LARS2: variants seen among roughly 807,000 people sequenced by gnomAD.
The protein encoded by LARS2 is leucyl-tRNA synthetase 2, mitochondrial, also known as leucine--tRNA ligase, mitochondrial.
A neutral mutation model predicts 116.6 loss-of-function variants in LARS2; 81 were observed. The observed-to-expected ratio is 0.69, with a 90% confidence interval of 0.58 to 0.84. LARS2 has a LOEUF of 0.84. Among genes scored for constraint, LARS2 ranks in the 40% least tolerant of loss-of-function variants. LARS2 has a pLI of 0.00. For missense variants in LARS2, 968 were observed against 1,114.5 expected, an observed-to-expected ratio of 0.87 and a Z score of 1.87; for synonymous variants, 396 against 407.2, an observed-to-expected ratio of 0.97 and a Z score of 0.33.
intron 6 of LARS2, among the ~76,000 whole-genome samples, chr3:45,424,427 G>A (rs1311517283): frequency 6.6e-6 from 1 of 152,166 alleles, no homozygotes; most frequent in Non-Finnish European, 1.5e-5. Flanking sequence ...TATTGAATGT[G>A]TATCACTTCC....
chr3:45,419,831 A>G, intron 6 of LARS2, 102 bp downstream of exon 6: 1 of 923,044 alleles, frequency 1.1e-6, no homozygotes, highest in Non-Finnish European at 1.8e-6. Flanking sequence ...CAAGGGTGGG[A>G]GGCAGGAAGC....
intron 21 of LARS2, among the ~76,000 whole-genome samples, chr3:45,545,960 G>GAAAAAAAAAAA (rs1168781892): frequency 7.8e-6 from 1 of 127,968 alleles, no homozygotes. Context: ...TGTCCTTAAG[G>GAAAAAAAAAAA]AAAAAAAAAA....
intron 13 of LARS2, 131 bp downstream of exon 13, chr3:45,491,931 C>T (rs1699924887): frequency 1.1e-6 from 1 of 871,764 alleles, no homozygotes; most frequent in South Asian, 1.7e-5. Context: ...CTGGAAAGAA[C>T]ACTGTGGGTC....
chr3:45,530,248 C>T (rs775919503), intron 20 of LARS2, among the ~76,000 whole-genome samples: 2 of 152,160 alleles, frequency 1.3e-5, no homozygotes, highest in African/African-American at 4.8e-5. Context: ...TTAGGCTGGG[C>T]GCTGTGGCTC....
intron 3 of LARS2, among the ~76,000 whole-genome samples, chr3:45,397,183 T>C (rs1698060982): frequency 1.3e-5 from 2 of 152,232 alleles, no homozygotes; most frequent in African/African-American, 4.8e-5. Context: ...CTTATACTTT[T>C]ATATAATTAT....
At chr3:45,544,353 C>A (rs983425776) in intron 21 of LARS2, among the ~76,000 whole-genome samples, 1 of 152,236 alleles carries the variant, frequency 6.6e-6, no homozygotes. Flanking sequence ...ACATATTTAA[C>A]ACCTCTAAGC....
At chr3:45,495,527 A>T (rs1699998365) in intron 13 of LARS2, 1 of 152,252 alleles carries the variant, frequency 6.6e-6, no homozygotes, top group African/African-American at 2.4e-5. Flanking sequence ...GAAGTAGAAG[A>T]AAAATCCAAG....
intron 8 of LARS2, among the ~76,000 whole-genome samples, chr3:45,472,445 G>A (rs536744830): frequency 6.6e-6 from 1 of 152,302 alleles, no homozygotes; most frequent in Admixed American, 6.5e-5. Context: ...GTGATATGGG[G>A]CAGATTGCTC....
rs1251250048 is a variant in LARS2, at chr3:45,548,279, TGAG to T, written c.*753_*755del. On this transcript the variant is annotated 3_prime_UTR_variant, in exon 22 of 22. Coordinates refer to ENST00000645846, the MANE Select transcript of LARS2 (RefSeq NM_015340.4). ...GCAAGGCACCACTTCCTCACATGAA[TGAG>T]GAGCAGCAAGTCATAACCACTCCCT... 1 of 152,312 alleles carries T rather than the reference TGAG, an allele frequency of 6.6e-6. No homozygotes were observed. Among genetic ancestry groups the T allele is most frequent in the East Asian group, 1.9e-4 (1 of 5,182 alleles). The allele number at this position is 152,312 out of a possible 1,614,324, so 9.4% of individuals were successfully genotyped here.
At position 45,516,269 on chromosome 3, in the gene LARS2, T is replaced by C; in HGVS notation, c.2037T>C (p.Asp679=). Residue 679 remains aspartate (D), a synonymous_variant, in exon 17 of 22, where the codon GAT becomes GAC. Coordinates refer to ENST00000645846, the MANE Select transcript of LARS2 (RefSeq NM_015340.4). ...CTCCTGAGAAGGATATCTTGTGGGA[T>C]GTGAAAAGTAAGTCACCTTCCTCTT... ...AAPPEKDILW[D]VKTDALPGVL... 1 of 1,612,766 alleles carries C rather than the reference T, an allele frequency of 6.2e-7. No individual in the cohort carries two copies. The highest frequency in any genetic ancestry group is 1.7e-5 in the Admixed American group (1 of 59,852).
At chr3:45,499,977 T>TTTTGTTTG (rs548918516) in intron 14 of LARS2, among the ~76,000 whole-genome samples, 4 of 152,076 alleles carry the variant, frequency 2.6e-5, no homozygotes, top group African/African-American at 7.2e-5. Flanking sequence ...ATATATATAT[T>TTTTGTTTG]TTTGTTTGTT....
chr3:45,400,088 T>C (rs1445128379), intron 3 of LARS2, among the ~76,000 whole-genome samples, 157 bp from the exon 4 acceptor site: 1 of 152,248 alleles, frequency 6.6e-6, no homozygotes, highest in Non-Finnish European at 1.5e-5. Flanking sequence ...ATTTTGCTTT[T>C]TGACATTTTA....
chr3:45,535,785 C>A (rs529745228), intron 20 of LARS2, among the ~76,000 whole-genome samples: 1 of 151,932 alleles, frequency 6.6e-6, no homozygotes, highest in South Asian at 2.1e-4. Flanking sequence ...CCCACATACA[C>A]ACACATTAGT....
chr3:45,415,343 G>C (rs1361983591), intron 4 of LARS2, among the ~76,000 whole-genome samples: 1 of 152,096 alleles, frequency 6.6e-6, no homozygotes, highest in African/African-American at 2.4e-5. Context: ...AATAATACTA[G>C]TGGCCAACAT....
intron 10 of LARS2, among the ~76,000 whole-genome samples, chr3:45,484,424 T>A (rs1208272419): frequency 6.7e-6 from 1 of 149,810 alleles, no homozygotes; most frequent in Non-Finnish European, 1.5e-5. Context: ...TATATGCACG[T>A]ATGGCTTGTC....
chr3:45,454,031 G>A (rs1175110210), intron 7 of LARS2, among the ~76,000 whole-genome samples: 1 of 152,092 alleles, frequency 6.6e-6, no homozygotes, highest in Non-Finnish European at 1.5e-5. Flanking sequence ...GAGGCAGGGA[G>A]GCAAGGCAAG....
At chr3:45,414,291 T>C (rs1161295373) in intron 4 of LARS2, among the ~76,000 whole-genome samples, 1 of 152,184 alleles carries the variant, frequency 6.6e-6, no homozygotes, top group Non-Finnish European at 1.5e-5. Context: ...AAATAATATA[T>C]TCTCAATTTT....
chr3:45,446,824 A>T (rs1477384878), intron 6 of LARS2, 67 bp from the exon 7 acceptor site: 2 of 890,222 alleles, frequency 2.2e-6, no homozygotes, highest in African/African-American at 3.4e-5. Flanking sequence ...CAGTTGCAAG[A>T]CTGAGCATGC....
chr3:45,424,120 T>G (rs1698555883), intron 6 of LARS2, among the ~76,000 whole-genome samples: 1 of 142,110 alleles, frequency 7.0e-6, no homozygotes, highest in Admixed American at 7.5e-5. Flanking sequence ...TATTCAGATT[T>G]CACCAGTTTT....
Sources: gnomAD v4.1 joint callset for allele counts (sites outside exome capture counted in the v4.1 genomes callset) on GRCh38, gnomAD v4.1.1 for gene constraint, MANE v1.5 for transcripts, NCBI Gene and HGNC (gene_info 2026-07-23, HGNC 2026-07-21) for gene names.